Variants in ZNF737 observed in about 807,000 individuals in gnomAD.
ZNF737 encodes the protein zinc finger protein 102 (Y3).
ZNF737 carries 13 observed loss-of-function variants against 11.7 expected under a neutral mutation model. The observed-to-expected ratio is 1.11, with a 90% CI of 0.73 to 1.77. ZNF737 has a LOEUF of 1.77. Among genes scored for constraint, ZNF737 ranks in the 40% most tolerant of loss-of-function variants. The pLI is 0.00. For missense variants in ZNF737, 636 were observed against 638.0 expected (o/e 1.00, Z 0.03); for synonymous variants, 217 against 216.2 (o/e 1.00, Z -0.03).
chr19:20,543,579 G>C lies in ZNF737; in HGVS notation c.*1013C>G. ...GGATACTAGCTTTTCTGTGAGATAA[G>C]GTGTAAGAACTGATTAAAAGTTTTG... On this transcript the variant is annotated 3_prime_UTR_variant, in exon 4 of 4. Coordinates refer to ENST00000427401, the MANE Select transcript of ZNF737 (RefSeq NM_001159293.2). 1.0e-6 allele frequency: 1 copy of C among 985,368 alleles called. No homozygotes were observed. The highest frequency in any genetic ancestry group is 1.2e-6 in the Non-Finnish European group (1 of 829,914). 61.0% of individuals were successfully genotyped at this position (985,368 alleles called of 1,614,324 possible). A position where few individuals can be genotyped will look rare whatever the true frequency, so the allele number is the denominator to read the frequency against.
Position 20,545,335 on chromosome 19 carries a change from A to T in ZNF737, c.868T>A (p.Cys290Ser). ...GAGGAGCGCTTAAAGGCCTTGCCAC[A>T]TTCTTCACATTTGTAGGGTTTCTCT... ...TGEKPYKCEECGKAFKRSSIL... is the reference protein window; with the variant it reads ...TGEKPYKCEESGKAFKRSSIL... Residue 290 changes from cysteine to serine, a missense_variant, in exon 4 of 4, where the codon TGT (cysteine) becomes AGT (serine). Coordinates refer to ENST00000427401, the MANE Select transcript of ZNF737 (RefSeq NM_001159293.2). 6.2e-7 allele frequency: 1 copy of T among 1,613,872 alleles called. No homozygotes were observed. Among genetic ancestry groups the T allele is most frequent in the Non-Finnish European group, 8.5e-7 (1 of 1,179,944 alleles).
At chr19:20,558,887 C>T (rs1299779171) in intron 1 of ZNF737, among the ~76,000 whole-genome samples, 1 of 152,202 alleles carries the variant, frequency 6.6e-6, no homozygotes, top group African/African-American at 2.4e-5. Context: ...TAATGCCACC[C>T]TCCTATAACC....
chr19:20,563,449 A>G (rs1969177973), intron 1 of ZNF737, among the ~76,000 whole-genome samples: 1 of 149,852 alleles, frequency 6.7e-6, no homozygotes, highest in South Asian at 2.1e-4. Flanking sequence ...CAGGGAAATT[A>G]CTCAAACACA....
intron 1 of ZNF737, among the ~76,000 whole-genome samples, chr19:20,556,831 C>A (rs1194119423): frequency 6.6e-6 from 1 of 152,180 alleles, no homozygotes; most frequent in Non-Finnish European, 1.5e-5. Flanking sequence ...TAAACAGGTA[C>A]TATGTGCACA....
In ZNF737 at chr19:20,544,217, A is replaced by C; in HGVS notation, c.*375T>G. On this transcript the variant is annotated 3_prime_UTR_variant, in exon 4 of 4. Transcript: ENST00000427401. ...TGTCCAGCATGAATTATGTGTAAGA[A>C]GGGTTCAGAACTTCCTAAAAGCGTT... The C allele has an allele frequency of 9.7e-7, 1 of 1,030,172 alleles. No homozygotes were observed. The highest frequency in any genetic ancestry group is 1.2e-6 in the Non-Finnish European group (1 of 858,298). The allele number at this position is 1,030,172 out of a possible 1,614,324, so 63.8% of individuals were successfully genotyped here.
intron 1 of ZNF737, among the ~76,000 whole-genome samples, chr19:20,565,275 C>T (rs1248355158): frequency 2.6e-5 from 4 of 152,144 alleles, no homozygotes; most frequent in Non-Finnish European, 5.9e-5. Context: ...CTGTGAACTC[C>T]ACGGACCAAA....
chr19:20,545,498 G>A lies in ZNF737; in HGVS notation c.705C>T (p.Gly235=). The A allele has an allele frequency of 1.2e-6, 2 of 1,613,182 alleles. No homozygotes were observed. Among genetic ancestry groups the A allele is most frequent in the East Asian group, 2.2e-5 (1 of 44,814 alleles). Residue 235 remains glycine (G), a synonymous_variant, in exon 4 of 4, where the codon GGC becomes GGT. Transcript: ENST00000427401. ...GEKRYKCEDC[G]KAFSRFSYLT... ...GGTATGAAAACCGGCTAAAGGCTTT[G>A]CCACAGTCTTCACATTTGTACCGTT...
rs1362438841 is a variant in ZNF737, at chr19:20,539,994, T to A, written c.*4598A>T. 1 of 985,294 alleles carries A rather than the reference T, an allele frequency of 1.0e-6. No individual in the cohort carries two copies. Among genetic ancestry groups the A allele is most frequent in the Non-Finnish European group, 1.2e-6 (1 of 829,948 alleles). The allele number at this position is 985,294 out of a possible 1,614,324, so 61.0% of individuals were successfully genotyped here. On this transcript the variant is annotated 3_prime_UTR_variant, in exon 4 of 4. Coordinates refer to ENST00000427401, the MANE Select transcript of ZNF737 (RefSeq NM_001159293.2). The stretch of plus-strand genomic sequence containing the variant: ...CCATTAATGTGGACCTGTTGTGGTC[T>A]CCTGTTTCTCTTAAGCTATCCCAGA...
downstream of ZNF737, among the ~76,000 whole-genome samples, chr19:20,532,846 T>C (rs145971857): frequency 2.0e-3 from 302 of 150,022 alleles, 12 homozygotes; most frequent in African/African-American, 7.2e-3. Context: ...CCAAGTACCA[T>C]GTACCATTAT....
In ZNF737 at chr19:20,540,055, C is replaced by G. The variant is rs554536901; in HGVS notation, c.*4537G>C. 2.0e-6 allele frequency: 2 copies of G among 985,200 alleles called. No individual in the cohort carries two copies. The highest frequency in any genetic ancestry group is 4.7e-5 in the South Asian group (1 of 21,272). The allele number at this position is 985,200 out of a possible 1,614,324, so 61.0% of individuals were successfully genotyped here. A position where few individuals can be genotyped will look rare whatever the true frequency, so the allele number is the denominator to read the frequency against. Reference sequence around the variant, plus strand: ...TTATTTCTTGAATGAATGAGATTCCCTTTTTTTTCCCTCTGCCATAGAATC... The same window carrying G: ...TTATTTCTTGAATGAATGAGATTCCGTTTTTTTTCCCTCTGCCATAGAATC... On this transcript the variant is annotated 3_prime_UTR_variant, in exon 4 of 4. Coordinates refer to ENST00000427401, the MANE Select transcript of ZNF737 (RefSeq NM_001159293.2).
At chr19:20,556,227 T>C (rs1968884620) in intron 1 of ZNF737, among the ~76,000 whole-genome samples, 2 of 152,116 alleles carry the variant, frequency 1.3e-5, no homozygotes, top group South Asian at 2.1e-4. Context: ...CATGAATGTA[T>C]TTTGCAGCCT....
rs1183323923 is a variant in ZNF737 at position 20,543,857 on chromosome 19, G to A, written c.*735C>T. 12 of 985,192 alleles carry A rather than the reference G, an allele frequency of 1.2e-5. No individual in the cohort carries two copies. In the East Asian group the frequency reaches 4.5e-4, roughly 37 times the overall value. 61.0% of individuals were successfully genotyped at this position (985,192 alleles called of 1,614,324 possible). ...AATTGAGAACTTGTGGCTGGGCGTC[G>A]TGGCTCACGCCTGTAATCCCAGCAC... On this transcript the variant is annotated 3_prime_UTR_variant, in exon 4 of 4. Coordinates refer to ENST00000427401, the MANE Select transcript of ZNF737 (RefSeq NM_001159293.2).
chr19:20,531,878 A>G (rs531426014), downstream of ZNF737, among the ~76,000 whole-genome samples: 3 of 150,474 alleles, frequency 2.0e-5, no homozygotes, highest in South Asian at 6.5e-4. Flanking sequence ...AAATATTTCT[A>G]TCTAAACATT....
chr19:20,555,821 A>G (rs1192855238), intron 1 of ZNF737, among the ~76,000 whole-genome samples: 1 of 146,044 alleles, frequency 6.8e-6, no homozygotes, highest in Non-Finnish European at 1.5e-5. Context: ...TACCTAAAGA[A>G]AAGCCTTTTT....
downstream of ZNF737, among the ~76,000 whole-genome samples, chr19:20,534,619 GTTTAA>G (rs1967913961): frequency 1.3e-5 from 2 of 149,846 alleles, 1 homozygote; most frequent in Non-Finnish European, 3.0e-5. Flanking sequence ...AATGTTGTCA[GTTTAA>G]TTTTTCTGAA....
At chr19:20,530,474 G>T in the ZNF737 span, among the ~76,000 whole-genome samples, 1 of 149,086 alleles carries the variant, frequency 6.7e-6, no homozygotes, top group Non-Finnish European at 1.5e-5. Context: ...TCCCAGATGG[G>T]GTGGCAGCCG....
At chr19:20,555,189 T>G (rs1555760470) in intron 1 of ZNF737, among the ~76,000 whole-genome samples, 1 of 135,986 alleles carries the variant, frequency 7.4e-6, no homozygotes, top group Non-Finnish European at 1.6e-5. Context: ...TTTCTTTTCT[T>G]TTCTTTTTTT....
intron 3 of ZNF737, among the ~76,000 whole-genome samples, chr19:20,549,665 C>G (rs1371926737): frequency 6.6e-6 from 1 of 151,954 alleles, no homozygotes; most frequent in Non-Finnish European, 1.5e-5. Context: ...CACAGTGGCT[C>G]AAAACTGTTA....
chr19:20,547,564 T>C (rs1555757346), intron 3 of ZNF737, among the ~76,000 whole-genome samples: 1 of 152,090 alleles, frequency 6.6e-6, no homozygotes, highest in East Asian at 1.9e-4. Flanking sequence ...AAAAATGAAG[T>C]TGAAAACTGA....
Sources: allele counts gnomAD v4.1 joint callset (sites outside exome capture counted in the v4.1 genomes callset), GRCh38; gene constraint gnomAD v4.1.1; transcripts MANE v1.5; gene names NCBI Gene and HGNC (gene_info 2026-07-23, HGNC 2026-07-21).